Variants in SBF2 observed in about 807,000 individuals in gnomAD.
SBF2 encodes myotubularin-related protein 13.
In SBF2, 112 loss-of-function variants were observed where a neutral mutation model predicts 225.2. The observed-to-expected ratio is 0.50, with a 90% CI of 0.43 to 0.58. The LOEUF (loss-of-function observed/expected upper bound fraction) is 0.58. SBF2 is among the 20% of genes least tolerant of loss of function. SBF2 has a pLI of 0.00. For missense variants in SBF2, 1,996 were observed against 2,206.2 expected, an observed-to-expected ratio of 0.90 and a Z score of 1.91; for synonymous variants, 763 against 773.3, an observed-to-expected ratio of 0.99 and a Z score of 0.22.
chr11:10,069,463 T>A (rs905562158), intron 2 of SBF2, among the ~76,000 whole-genome samples: 3 of 152,158 alleles, frequency 2.0e-5, no homozygotes, highest in Non-Finnish European at 4.4e-5. Flanking sequence ...TCTAACTTCA[T>A]CCATGTACCT....
At chr11:10,099,125 A>C (rs1283273303) in intron 2 of SBF2, among the ~76,000 whole-genome samples, 1 of 152,182 alleles carries the variant, frequency 6.6e-6, no homozygotes, top group African/African-American at 2.4e-5. Context: ...AAGCTCAAAA[A>C]ATCAAGACCA....
In SBF2 at chr11:10,232,052, T is replaced by C. The variant is rs541735400; in HGVS notation, c.56-38065A>G. ...CTCACTGCCGCCTTGCAGTTTGATC[T>C]CAGACTGCTGTGCTAGCAATGAGCA... On this transcript the variant is annotated intron_variant, in intron 1 of 39. Coordinates refer to ENST00000256190, the MANE Select transcript of SBF2 (RefSeq NM_030962.4). Among the ~76,000 whole-genome samples the C allele has an allele frequency of 1.3e-4, 20 of 152,328 alleles. 1 individual carries two copies. The East Asian group carries it at 1.7e-3, about 13-fold the overall frequency.
intron 1 of SBF2, among the ~76,000 whole-genome samples, chr11:10,283,140 T>G (rs892941060): frequency 6.6e-6 from 1 of 152,172 alleles, no homozygotes; most frequent in African/African-American, 2.4e-5. Context: ...CAATTTATCA[T>G]TACTTATTTC....
intron 1 of SBF2, among the ~76,000 whole-genome samples, chr11:10,285,461 T>C (rs574469524): frequency 9.1e-4 from 138 of 152,164 alleles, no homozygotes; most frequent in African/African-American, 3.2e-3. Context: ...ACCTAAGGAC[T>C]TCCTAGAACT....
At chr11:10,006,504 AG>A (rs1316532730) in intron 6 of SBF2, among the ~76,000 whole-genome samples, 2 of 152,174 alleles carry the variant, frequency 1.3e-5, no homozygotes, top group Non-Finnish European at 2.9e-5. Flanking sequence ...TAGCCCTTTA[AG>A]GACCCCACTT....
intron 2 of SBF2, among the ~76,000 whole-genome samples, chr11:10,087,975 A>T (rs529783812): frequency 2.0e-5 from 3 of 151,616 alleles, no homozygotes; most frequent in Non-Finnish European, 2.9e-5. Flanking sequence ...TCTGTATCAC[A>T]TATCGTTGTA....
intron 28 of SBF2, among the ~76,000 whole-genome samples, chr11:9,829,137 A>G (rs565299399): frequency 6.6e-6 from 1 of 152,256 alleles, no homozygotes; most frequent in East Asian, 1.9e-4. Context: ...AACAAAAAAG[A>G]AAAAACTGAA....
chr11:10,025,219 A>G (rs1161530043), intron 6 of SBF2, among the ~76,000 whole-genome samples: 1 of 152,190 alleles, frequency 6.6e-6, no homozygotes, highest in Non-Finnish European at 1.5e-5. Flanking sequence ...TACTTCTATG[A>G]GATGGATAGA....
intron 2 of SBF2, among the ~76,000 whole-genome samples, chr11:10,180,339 G>C (rs1956686375): frequency 6.6e-6 from 1 of 152,054 alleles, no homozygotes; most frequent in South Asian, 2.1e-4. Context: ...ATTTTTGCTA[G>C]ATATACTATG....
chr11:10,055,116 G>A (rs912633182), intron 2 of SBF2, among the ~76,000 whole-genome samples: 3 of 152,004 alleles, frequency 2.0e-5, no homozygotes, highest in Non-Finnish European at 4.4e-5. Flanking sequence ...TGGCCAGGCT[G>A]GTCTGGAACT....
chr11:10,084,302 C>T (rs982536770), intron 2 of SBF2, among the ~76,000 whole-genome samples: 13 of 151,346 alleles, frequency 8.6e-5, no homozygotes, highest in Admixed American at 2.0e-4. Context: ...AGAAGACATA[C>T]AAATGACCAA....
intron 6 of SBF2, among the ~76,000 whole-genome samples, chr11:10,023,723 T>A (rs1271282406): frequency 6.6e-6 from 1 of 152,224 alleles, no homozygotes; most frequent in Non-Finnish European, 1.5e-5. Context: ...TACGGCTGAA[T>A]AATTTTCCAT....
chr11:10,266,169 A>C (rs1383908995), intron 1 of SBF2, among the ~76,000 whole-genome samples: 3 of 152,218 alleles, frequency 2.0e-5, no homozygotes, highest in Non-Finnish European at 4.4e-5. Context: ...TCTGTAGTTA[A>C]ATGATTTGTC....
At chr11:9,913,010 G>C (rs1376131982) in intron 16 of SBF2, among the ~76,000 whole-genome samples, 1 of 152,166 alleles carries the variant, frequency 6.6e-6, no homozygotes, top group Non-Finnish European at 1.5e-5. Flanking sequence ...AACCGTGCTG[G>C]GTGTGGTGGT....
intron 3 of SBF2, among the ~76,000 whole-genome samples, chr11:10,032,857 T>G (rs1313568302): frequency 2.0e-5 from 3 of 152,218 alleles, no homozygotes; most frequent in Admixed American, 6.5e-5. Flanking sequence ...CTTGGCATAG[T>G]TTTTTGAGCA....
intron 16 of SBF2, among the ~76,000 whole-genome samples, chr11:9,931,030 A>T (rs1467401452): frequency 6.6e-6 from 1 of 152,204 alleles, no homozygotes; most frequent in African/African-American, 2.4e-5. Context: ...TTGAACTTTG[A>T]GGTGGCAGCC....
upstream of SBF2, among the ~76,000 whole-genome samples, chr11:10,296,379 G>A (rs1225670017): frequency 3.3e-5 from 5 of 152,090 alleles, no homozygotes; most frequent in South Asian, 8.3e-4. Context: ...TCCACATGGC[G>A]GAAGGCAAGG....
intron 6 of SBF2, among the ~76,000 whole-genome samples, chr11:10,004,723 T>C (rs1457385527): frequency 1.3e-5 from 2 of 152,186 alleles, no homozygotes; most frequent in Non-Finnish European, 2.9e-5. Flanking sequence ...GATTTCTTCC[T>C]CTGCCCTATT....
intron 6 of SBF2, among the ~76,000 whole-genome samples, chr11:10,009,614 A>G (rs923317814): frequency 6.6e-6 from 1 of 152,212 alleles, no homozygotes; most frequent in Non-Finnish European, 1.5e-5. Flanking sequence ...GCTGCATAGT[A>G]TTCCATGGTG....
Sources: gnomAD v4.1 joint callset for allele counts (sites outside exome capture counted in the v4.1 genomes callset) on GRCh38, gnomAD v4.1.1 for gene constraint, MANE v1.5 for transcripts, NCBI Gene and HGNC (gene_info 2026-07-23, HGNC 2026-07-21) for gene names.